The following DGKB variants were observed in gnomAD, a reference collection of about 807,000 sequenced individuals.
The protein encoded by DGKB is 90 kDa diacylglycerol kinase.
A neutral mutation model predicts 114.3 loss-of-function variants in DGKB; 67 were observed. The observed-to-expected ratio is 0.59, with a 90% CI of 0.48 to 0.72. DGKB has a LOEUF of 0.72. Among genes scored for constraint, DGKB ranks in the 30% least tolerant of loss-of-function variants. DGKB has a pLI of 0.00. For synonymous variants in DGKB, 398 were observed against 323.1 expected, an observed-to-expected ratio of 1.23 and a Z score of -2.49; for missense variants, 907 against 975.2, an observed-to-expected ratio of 0.93 and a Z score of 0.93.
intron 4 of DGKB, among the ~76,000 whole-genome samples, chr7:14,745,856 A>G (rs1833206513): frequency 6.6e-6 from 1 of 152,164 alleles, no homozygotes; most frequent in Non-Finnish European, 1.5e-5. Context: ...TAGCTGAACT[A>G]AGGAGCAAAA....
chr7:14,758,764 TC>T, intron 2 of DGKB, among the ~76,000 whole-genome samples: 2 of 152,198 alleles, frequency 1.3e-5, no homozygotes, highest in African/African-American at 4.8e-5. Flanking sequence ...TAGAAAACTC[TC>T]TCATAGATGC....
At chr7:14,166,509 C>A (rs575463650) in intron 25 of DGKB, among the ~76,000 whole-genome samples, 1 of 152,232 alleles carries the variant, frequency 6.6e-6, no homozygotes, top group South Asian at 2.1e-4. Context: ...GAGAATTTAG[C>A]CAGATCTCAA....
intron 9 of DGKB, among the ~76,000 whole-genome samples, chr7:14,690,903 G>T (rs1167906471): frequency 6.6e-6 from 1 of 152,184 alleles, no homozygotes; most frequent in East Asian, 1.9e-4. Context: ...GAATCACAAA[G>T]CCATCCAAAT....
intron 23 of DGKB, among the ~76,000 whole-genome samples, chr7:14,273,059 G>C (rs565855663): frequency 7.4e-4 from 112 of 152,210 alleles, no homozygotes; most frequent in African/African-American, 2.6e-3. Flanking sequence ...AAAGATCACA[G>C]TGGGGTCTAG....
At chr7:14,213,701 T>C (rs1788505499) in intron 23 of DGKB, among the ~76,000 whole-genome samples, 1 of 152,132 alleles carries the variant, frequency 6.6e-6, no homozygotes, top group South Asian at 2.1e-4. Context: ...CTGATTATTC[T>C]GGTTGCTGTT....
At chr7:14,574,138 T>C (rs547174006) in intron 20 of DGKB, 74 bp downstream of exon 20, 1 of 1,177,560 alleles carries the variant, frequency 8.5e-7, no homozygotes, top group African/African-American at 1.5e-5. Context: ...TCAGTAAATT[T>C]TCATAGTTTA....
In DGKB at chr7:14,225,401, A is replaced by G. The variant is rs1371253674; in HGVS notation, c.2123-47250T>C. Among the ~76,000 whole-genome samples the G allele has an allele frequency of 2.6e-5, 4 of 152,208 alleles. No individual in the cohort carries two copies. In the East Asian group the frequency reaches 7.8e-4, roughly 30 times the overall value. Reference sequence around the variant, plus strand: ...GTGTGCCTTTTTAAGGAACATTTCCAGAGATTTGTTGCCCCTAAGACCATA... The same window carrying G: ...GTGTGCCTTTTTAAGGAACATTTCCGGAGATTTGTTGCCCCTAAGACCATA... On this transcript the variant is annotated intron_variant, in intron 23 of 25. Transcript: ENST00000402815.
intron 2 of DGKB, among the ~76,000 whole-genome samples, chr7:14,804,443 G>A (rs564676814): frequency 5.3e-5 from 8 of 151,886 alleles, no homozygotes; most frequent in East Asian, 1.9e-4. Flanking sequence ...ACCTATGTAC[G>A]TATGTATTAT....
chr7:14,299,775 A>G (rs1381445667), intron 23 of DGKB, among the ~76,000 whole-genome samples: 1 of 152,068 alleles, frequency 6.6e-6, no homozygotes, highest in Non-Finnish European at 1.5e-5. Flanking sequence ...CTTCCCTCCC[A>G]CTTTGTTACA....
At chr7:14,909,453 T>C (rs916876599) in intron 1 of DGKB, among the ~76,000 whole-genome samples, 1 of 152,118 alleles carries the variant, frequency 6.6e-6, no homozygotes, top group Non-Finnish European at 1.5e-5. Flanking sequence ...TTTAGCTTCA[T>C]AGGTCTATGT....
chr7:14,372,267 C>G (rs1251868912), intron 21 of DGKB, among the ~76,000 whole-genome samples: 1 of 152,158 alleles, frequency 6.6e-6, no homozygotes, highest in Non-Finnish European at 1.5e-5. Flanking sequence ...ACCCCGGGAA[C>G]TGGGGTGTCC....
intron 12 of DGKB, 26 bp downstream of exon 12, chr7:14,682,527 G>T: frequency 6.7e-7 from 1 of 1,503,184 alleles, no homozygotes; most frequent in Non-Finnish European, 9.3e-7. Flanking sequence ...GTGAATGCTG[G>T]GATTTGTTTT....
chr7:14,229,065 C>T (rs1054654728), intron 23 of DGKB, among the ~76,000 whole-genome samples: 3 of 151,884 alleles, frequency 2.0e-5, no homozygotes, highest in African/African-American at 7.3e-5. Flanking sequence ...ATCTATTCTA[C>T]AAAAGAAGGG....
chr7:14,899,652 T>C (rs1365464486), intron 1 of DGKB, among the ~76,000 whole-genome samples: 1 of 152,166 alleles, frequency 6.6e-6, no homozygotes, highest in Non-Finnish European at 1.5e-5. Context: ...ATGTTCATTT[T>C]CAGAGTTTGG....
chr7:14,201,546 G>A (rs1463108939), intron 23 of DGKB, among the ~76,000 whole-genome samples: 2 of 151,830 alleles, frequency 1.3e-5, no homozygotes, highest in African/African-American at 2.4e-5. Flanking sequence ...GGGGAGTGTC[G>A]GAAGGCATTG....
chr7:14,769,731 G>A (rs1466468920), intron 2 of DGKB, among the ~76,000 whole-genome samples: 1 of 151,938 alleles, frequency 6.6e-6, no homozygotes, highest in Non-Finnish European at 1.5e-5. Context: ...GGCTCTCATA[G>A]GAATTAGTTT....
At chr7:14,488,212 C>T (rs527602339) in intron 20 of DGKB, among the ~76,000 whole-genome samples, 2 of 152,172 alleles carry the variant, frequency 1.3e-5, no homozygotes, top group East Asian at 3.9e-4. Context: ...AAATTGACCT[C>T]AGAGAATCTA....
chr7:14,838,052 T>C (rs1470460512), intron 2 of DGKB, among the ~76,000 whole-genome samples: 1 of 152,162 alleles, frequency 6.6e-6, no homozygotes, highest in African/African-American at 2.4e-5. Flanking sequence ...ACTACCAATT[T>C]ACTGAACAAC....
chr7:14,816,220 G>T (rs2128092443), intron 2 of DGKB, among the ~76,000 whole-genome samples: 1 of 152,174 alleles, frequency 6.6e-6, no homozygotes, highest in South Asian at 2.1e-4. Context: ...TGTAGTCCCA[G>T]CTACTCTGGA....
Sources: gnomAD v4.1 joint callset for allele counts (sites outside exome capture counted in the v4.1 genomes callset) on GRCh38, gnomAD v4.1.1 for gene constraint, MANE v1.5 for transcripts, NCBI Gene and HGNC (gene_info 2026-07-23, HGNC 2026-07-21) for gene names.